MATCAP2: variants seen among roughly 807,000 people sequenced by gnomAD.
MATCAP2 encodes microtubule associated tyrosine carboxypeptidase 2.
the MATCAP2 span, among the ~76,000 whole-genome samples, chr7:36,379,958 GCTCT>G: frequency 6.6e-6 from 1 of 150,414 alleles, no homozygotes; most frequent in East Asian, 2.0e-4. Flanking sequence ...TTCCACTTTT[GCTCT>G]CTCTCTCTAT....
the MATCAP2 span, among the ~76,000 whole-genome samples, chr7:36,382,941 C>T: frequency 6.6e-6 from 1 of 152,104 alleles, no homozygotes; most frequent in Non-Finnish European, 1.5e-5. Flanking sequence ...TCCTTATTAA[C>T]CACGTGAGAA....
the MATCAP2 span, chr7:36,356,861 G>A: frequency 2.8e-6 from 4 of 1,442,210 alleles, no homozygotes; most frequent in Middle Eastern, 1.7e-4. Flanking sequence ...AATTGTTTTA[G>A]TACATAAAAA....
chr7:36,328,070 T>G, the MATCAP2 span, among the ~76,000 whole-genome samples: 1 of 152,066 alleles, frequency 6.6e-6, no homozygotes, highest in Non-Finnish European at 1.5e-5. Flanking sequence ...TTATCTTTAT[T>G]CTTAAATTTT....
the MATCAP2 span, among the ~76,000 whole-genome samples, chr7:36,386,884 C>T: frequency 5.3e-5 from 8 of 152,046 alleles, no homozygotes; most frequent in African/African-American, 1.2e-4. Context: ...TTTTTAATAT[C>T]TGGTAATAAT....
At chr7:36,339,375 C>T in the MATCAP2 span, among the ~76,000 whole-genome samples, 4 of 152,212 alleles carry the variant, frequency 2.6e-5, no homozygotes, top group East Asian at 7.7e-4. Flanking sequence ...TACTGAAAGC[C>T]TTGCTATTCA....
chr7:36,389,847 A>G, the MATCAP2 span: 1 of 1,148,912 alleles, frequency 8.7e-7, no homozygotes, highest in Admixed American at 2.2e-5. Context: ...TCAAATTTGA[A>G]CGGCTGCAGA....
At chr7:36,342,688 G>A in the MATCAP2 span, among the ~76,000 whole-genome samples, 6 of 151,950 alleles carry the variant, frequency 3.9e-5, no homozygotes, top group East Asian at 3.9e-4. Context: ...GCAGTGGTGC[G>A]ATCTTGGCTC....
the MATCAP2 span, among the ~76,000 whole-genome samples, chr7:36,379,841 CACACACAGAG>C: frequency 1.7e-4 from 22 of 127,480 alleles, no homozygotes; most frequent in Admixed American, 2.5e-4. Flanking sequence ...CACACACACA[CACACACAGAG>C]AGAGAGAGAG....
chr7:36,346,872 T>C, the MATCAP2 span, among the ~76,000 whole-genome samples: 1 of 152,224 alleles, frequency 6.6e-6, no homozygotes, highest in Non-Finnish European at 1.5e-5. Flanking sequence ...GCGATTCTCC[T>C]GCCTCAGCCT....
the MATCAP2 span, among the ~76,000 whole-genome samples, chr7:36,360,512 T>C: frequency 1.1e-4 from 16 of 152,304 alleles, no homozygotes; most frequent in South Asian, 3.3e-3. Flanking sequence ...GTGTTAATGG[T>C]CTATTTATTT....
At chr7:36,389,901 T>C in the MATCAP2 span, 1 of 1,556,214 alleles carries the variant, frequency 6.4e-7, no homozygotes, top group Non-Finnish European at 8.8e-7. Flanking sequence ...GACAGCTGGT[T>C]GTGGGAGAGT....
chr7:36,383,830 TA>T, the MATCAP2 span: 1 of 1,456,326 alleles, frequency 6.9e-7, no homozygotes, highest in Non-Finnish European at 9.5e-7. Flanking sequence ...TTAAAAAGTG[TA>T]AAAGAAGTGG....
chr7:36,328,867 A>T, the MATCAP2 span, among the ~76,000 whole-genome samples: 2 of 152,038 alleles, frequency 1.3e-5, no homozygotes, highest in African/African-American at 4.8e-5. Context: ...AACACGGAGA[A>T]ACCCTGTCTC....
At chr7:36,324,547 G>A in the MATCAP2 span, 1 of 151,964 alleles carries the variant, frequency 6.6e-6, no homozygotes, top group South Asian at 2.1e-4. Flanking sequence ...CCTAAGTACT[G>A]TTGCTATAAT....
At chr7:36,335,103 T>TA in the MATCAP2 span, 1 of 1,614,016 alleles carries the variant, frequency 6.2e-7, no homozygotes, top group Non-Finnish European at 8.5e-7. Context: ...GACACATTGA[T>TA]AGTCAGAGTC....
chr7:36,329,731 A>G, the MATCAP2 span, among the ~76,000 whole-genome samples: 1 of 152,236 alleles, frequency 6.6e-6, no homozygotes, highest in Admixed American at 6.5e-5. Flanking sequence ...AAGATCATCA[A>G]GGGTTATTAG....
chr7:36,328,918 C>T, the MATCAP2 span, among the ~76,000 whole-genome samples: 2 of 152,088 alleles, frequency 1.3e-5, no homozygotes, highest in South Asian at 4.2e-4. Flanking sequence ...TGGTGGATGC[C>T]TGTAATCTCA....
At chr7:36,354,263 G>A in the MATCAP2 span, among the ~76,000 whole-genome samples, 1 of 152,184 alleles carries the variant, frequency 6.6e-6, no homozygotes, top group Non-Finnish European at 1.5e-5. Flanking sequence ...GGGACATACT[G>A]CCTAGACCAA....
At chr7:36,384,413 A>G in the MATCAP2 span, among the ~76,000 whole-genome samples, 3 of 152,208 alleles carry the variant, frequency 2.0e-5, no homozygotes, top group Admixed American at 6.5e-5. Context: ...GCCTCTATGC[A>G]TCTCAGTTTT....
Sources: allele counts gnomAD v4.1 joint callset (sites outside exome capture counted in the v4.1 genomes callset), GRCh38; gene constraint gnomAD v4.1.1; transcripts MANE v1.5; gene names NCBI Gene and HGNC (gene_info 2026-07-23, HGNC 2026-07-21).